The following CAST variants were observed in gnomAD, a reference collection of about 807,000 sequenced individuals.
The protein encoded by CAST is MIR583 host.
In CAST, 76 loss-of-function variants were observed where a neutral mutation model predicts 119.6. The observed-to-expected ratio is 0.64, with a 90% CI of 0.53 to 0.77. The LOEUF is 0.77. Ranked by LOEUF, CAST falls within the 30% of genes least tolerant of loss-of-function variation. The pLI is 0.00. For synonymous variants in CAST, 319 were observed against 331.6 expected (o/e 0.96, Z 0.41); for missense variants, 953 against 946.5 (o/e 1.01, Z -0.09).
chr5:96,716,163 C>T lies in CAST; in HGVS notation c.211-6476C>T, dbSNP rs571765476. 9.4e-4 allele frequency among the ~76,000 whole-genome samples: 143 copies of T among 152,262 alleles called. 7 individuals are homozygous for T. The South Asian group carries it at 0.029, about 31-fold the overall frequency. Reference sequence around the variant, plus strand: ...AAATGGAAGCCTGTATTCAATAGACCTATAAAAGGTGTTTAAAGAATGTCC... The same window carrying T: ...AAATGGAAGCCTGTATTCAATAGACTTATAAAAGGTGTTTAAAGAATGTCC... On this transcript the variant is annotated intron_variant, in intron 3 of 31. Transcript: ENST00000675179.
At chr5:96,087,794 T>A in the CAST span, among the ~76,000 whole-genome samples, 9 of 152,336 alleles carry the variant, frequency 5.9e-5, no homozygotes, top group South Asian at 1.7e-3. Flanking sequence ...TAACAGGATG[T>A]AGGCTGGGCA....
chr5:96,413,996 G>A, the CAST span, among the ~76,000 whole-genome samples: 4 of 147,446 alleles, frequency 2.7e-5, no homozygotes, highest in African/African-American at 7.6e-5. Context: ...AAAATTAGCC[G>A]GGCGTAGTGG....
the CAST span, among the ~76,000 whole-genome samples, chr5:96,131,335 T>G: frequency 1.3e-4 from 20 of 151,988 alleles, no homozygotes; most frequent in African/African-American, 4.1e-4. Flanking sequence ...TTTAAATATT[T>G]TTGGAAGCCT....
At chr5:96,400,135 C>T in the CAST span, 11 of 1,614,072 alleles carry the variant, frequency 6.8e-6, no homozygotes, top group Admixed American at 8.3e-5. Context: ...GCGGGTCATA[C>T]TCAGAGGTCC....
chr5:96,768,089 A>G, intron 29 of CAST, 90 bp downstream of exon 29: 1 of 882,984 alleles, frequency 1.1e-6, no homozygotes, highest in Non-Finnish European at 1.9e-6. Context: ...TGATCTATCT[A>G]TCGGTCTGTC....
At chr5:95,975,298 C>A in the CAST span, among the ~76,000 whole-genome samples, 1 of 152,152 alleles carries the variant, frequency 6.6e-6, no homozygotes, top group South Asian at 2.1e-4. Context: ...CTAGGGCAGA[C>A]ATTCTCAAGC....
the CAST span, among the ~76,000 whole-genome samples, chr5:96,467,396 CT>C: frequency 2.4e-4 from 37 of 152,110 alleles, no homozygotes; most frequent in African/African-American, 8.2e-4. Context: ...GTTAGAAAGA[CT>C]TCCCCTATAC....
intron 2 of CAST, among the ~76,000 whole-genome samples, chr5:96,692,349 G>T (rs916051524): frequency 3.3e-5 from 5 of 152,098 alleles, no homozygotes; most frequent in Admixed American, 3.3e-4. Context: ...GGACTCAGGG[G>T]GTCAGGTAGT....
the CAST span, among the ~76,000 whole-genome samples, chr5:96,076,456 C>G: frequency 6.6e-6 from 1 of 152,068 alleles, no homozygotes; most frequent in Admixed American, 6.6e-5. Flanking sequence ...TCTTCATAAC[C>G]CTAAGGGGCT....
chr5:96,458,863 T>A, the CAST span, among the ~76,000 whole-genome samples: 1 of 152,118 alleles, frequency 6.6e-6, no homozygotes, highest in Admixed American at 6.6e-5. Context: ...CACCCTCAGA[T>A]CTCACCCTCC....
chr5:96,222,905 C>T, the CAST span, among the ~76,000 whole-genome samples: 1 of 152,008 alleles, frequency 6.6e-6, no homozygotes, highest in Non-Finnish European at 1.5e-5. Flanking sequence ...GGTATATATA[C>T]ATAATTGAAT....
the CAST span, among the ~76,000 whole-genome samples, chr5:95,977,182 T>G: frequency 3.9e-4 from 59 of 152,380 alleles, no homozygotes; most frequent in African/African-American, 1.3e-3. Flanking sequence ...GGGCAACTTA[T>G]AAACAATAGG....
At chr5:96,504,723 T>C in the CAST span, among the ~76,000 whole-genome samples, 1 of 152,202 alleles carries the variant, frequency 6.6e-6, no homozygotes, top group East Asian at 1.9e-4. Flanking sequence ...CACAGTCCAC[T>C]TTCCCCAAAG....
chr5:96,149,941 G>A, the CAST span, among the ~76,000 whole-genome samples: 1 of 152,248 alleles, frequency 6.6e-6, no homozygotes, highest in Non-Finnish European at 1.5e-5. Context: ...AAACATAAAA[G>A]TTCCCTCATC....
intron 5 of CAST, among the ~76,000 whole-genome samples, chr5:96,727,118 A>G (rs1759395301): frequency 6.6e-6 from 1 of 152,184 alleles, no homozygotes; most frequent in Admixed American, 6.5e-5. Context: ...ACTGATAAAA[A>G]CACCGTGTTA....
intron 2 of CAST, 197 bp downstream of exon 2, chr5:96,675,798 A>G (rs1580922833): frequency 3.9e-6 from 2 of 512,406 alleles, no homozygotes; most frequent in East Asian, 6.2e-5. Context: ...CTGGGAATAG[A>G]GCCTGTATGA....
chr5:96,521,077 T>G (rs1745508814), upstream of CAST, among the ~76,000 whole-genome samples: 1 of 152,188 alleles, frequency 6.6e-6, no homozygotes, highest in East Asian at 1.9e-4. Flanking sequence ...GCCCAACACA[T>G]CTTGTATAGA....
At chr5:96,744,161 G>A (rs963656323) in intron 16 of CAST, among the ~76,000 whole-genome samples, 1 of 152,212 alleles carries the variant, frequency 6.6e-6, no homozygotes, top group Admixed American at 6.5e-5. Context: ...AAACTTCAGA[G>A]TCGCAGCAAA....
At chr5:96,036,811 T>G in the CAST span, among the ~76,000 whole-genome samples, 47 of 152,170 alleles carry the variant, frequency 3.1e-4, no homozygotes, top group Non-Finnish European at 5.6e-4. Flanking sequence ...CTTATGTTCA[T>G]TATCCCAAGA....
Sources: gnomAD v4.1 joint callset for allele counts (sites outside exome capture counted in the v4.1 genomes callset) on GRCh38, gnomAD v4.1.1 for gene constraint, MANE v1.5 for transcripts, NCBI Gene and HGNC (gene_info 2026-07-23, HGNC 2026-07-21) for gene names.